The following SPATA22 variants were observed in gnomAD, a reference collection of about 807,000 sequenced individuals.
SPATA22 encodes spermatogenesis associated 22, also known as spermatogenesis-associated protein 22.
SPATA22 carries 29 observed loss-of-function variants against 47.8 expected under a neutral mutation model. The observed-to-expected ratio is 0.61, with a 90% confidence interval of 0.45 to 0.83. The LOEUF is 0.83. SPATA22 is among the 40% of genes least tolerant of loss of function. The probability of loss-of-function intolerance (pLI) is 0.00; values close to 1 mark genes in which losing one functional copy is unlikely to be tolerated. For synonymous variants in SPATA22, 133 were observed against 140.9 expected (o/e 0.94, Z 0.40); for missense variants, 410 against 421.7 (o/e 0.97, Z 0.24).
intron 1 of SPATA22, among the ~76,000 whole-genome samples, chr17:3,496,121 T>C (rs1361351107): frequency 6.6e-6 from 1 of 152,052 alleles, no homozygotes; most frequent in Admixed American, 6.6e-5. Context: ...AGGATGGTTT[T>C]GATTTGACAG....
chr17:3,458,358 C>T (rs1204965757), intron 5 of SPATA22, among the ~76,000 whole-genome samples: 1 of 151,898 alleles, frequency 6.6e-6, no homozygotes, highest in Non-Finnish European at 1.5e-5. Context: ...AAAGGCAATC[C>T]TTGTACACTC....
chr17:3,449,235 G>A (rs768372763), intron 5 of SPATA22, 86 bp from the exon 6 acceptor site: 54 of 1,004,126 alleles, frequency 5.4e-5, no homozygotes, highest in Non-Finnish European at 6.7e-5. Flanking sequence ...CATTTATATG[G>A]CAATTTATGA....
intron 5 of SPATA22, among the ~76,000 whole-genome samples, chr17:3,456,419 T>C (rs12947781): frequency 0.097 from 11,093 of 114,950 alleles, 703 homozygotes; most frequent in East Asian, 0.23. Flanking sequence ...ACTACAAACA[T>C]CTCTACACAA....
At chr17:3,502,298 T>C (rs1348230473) in intron 1 of SPATA22, 1 of 152,262 alleles carries the variant, frequency 6.6e-6, no homozygotes, top group East Asian at 1.9e-4. Context: ...AGTGTGAGCA[T>C]AACTTTTACA....
chr17:3,489,381 C>A (rs1276736513), intron 1 of SPATA22: 1 of 1,485,780 alleles, frequency 6.7e-7, no homozygotes, highest in Non-Finnish European at 9.4e-7. Flanking sequence ...AACTTAACCA[C>A]CAAACATTTA....
intron 3 of SPATA22, among the ~76,000 whole-genome samples, chr17:3,465,123 C>T (rs1252193972): frequency 4.0e-5 from 5 of 125,642 alleles, no homozygotes; most frequent in Admixed American, 7.8e-5. Context: ...GGAGCGTCTC[C>T]GCCCGGCAGC....
At chr17:3,444,585 A>T (rs183959612) in intron 7 of SPATA22, among the ~76,000 whole-genome samples, 113 of 152,178 alleles carry the variant, frequency 7.4e-4, no homozygotes, top group African/African-American at 2.6e-3. Context: ...AGCCAACGTT[A>T]TGACTGGCCA....
At chr17:3,482,468 C>G (rs574676943) in intron 1 of SPATA22, among the ~76,000 whole-genome samples, 3 of 152,190 alleles carry the variant, frequency 2.0e-5, no homozygotes, top group African/African-American at 7.2e-5. Context: ...AGCCTTCCTT[C>G]CTGAGAGCAA....
chr17:3,466,790 T>C (rs898682874), intron 3 of SPATA22, among the ~76,000 whole-genome samples: 1 of 152,184 alleles, frequency 6.6e-6, no homozygotes, highest in Non-Finnish European at 1.5e-5. Context: ...TCATACCTTT[T>C]ATAAAGTCAC....
chr17:3,494,447 T>C lies in SPATA22; in HGVS notation c.-74+18965A>G. On this transcript the variant is annotated intron_variant, in intron 1 of 8. Coordinates refer to the SPATA22 transcript ENST00000541913. ...ATGGAGAAATTGCTGCTATCATCCA[T>C]CCTAATCTGCAGGTAACATTTGTTC... is the stretch of plus-strand genomic sequence containing the variant. 6.2e-7 allele frequency: 1 copy of C among 1,603,180 alleles called. No individual in the cohort carries two copies. Among genetic ancestry groups the C allele is most frequent in the Non-Finnish European group, 8.5e-7 (1 of 1,169,914 alleles).
chr17:3,471,548 A>G (rs904727537), intron 1 of SPATA22, 134 bp downstream of exon 1: 15 of 985,276 alleles, frequency 1.5e-5, no homozygotes, highest in Admixed American at 6.1e-5. Context: ...CACAAAAACC[A>G]CGGCCTCAAA....
upstream of SPATA22, among the ~76,000 whole-genome samples, chr17:3,474,667 T>G (rs559244491): frequency 4.1e-4 from 62 of 152,362 alleles, no homozygotes; most frequent in African/African-American, 1.5e-3. Context: ...TATAAGCTCT[T>G]AAAGGAAGAA....
chr17:3,461,627 T>A (rs1204473040), intron 5 of SPATA22, among the ~76,000 whole-genome samples: 3 of 152,034 alleles, frequency 2.0e-5, no homozygotes. Context: ...AATAATAAAA[T>A]CAAAACTAAT....
chr17:3,503,876 C>T (rs2074017566), intron 1 of SPATA22, among the ~76,000 whole-genome samples: 1 of 152,104 alleles, frequency 6.6e-6, no homozygotes, highest in Non-Finnish European at 1.5e-5. Flanking sequence ...TGGGCTAAGA[C>T]ATATAAGCAC....
At chr17:3,450,900 T>C (rs2072843903) in intron 5 of SPATA22, among the ~76,000 whole-genome samples, 1 of 152,152 alleles carries the variant, frequency 6.6e-6, no homozygotes, top group Non-Finnish European at 1.5e-5. Context: ...TGTTGGAAAA[T>C]GGCACCAATC....
chr17:3,447,151 G>GA (rs914187354), intron 6 of SPATA22, among the ~76,000 whole-genome samples: 1 of 151,254 alleles, frequency 6.6e-6, no homozygotes, highest in African/African-American at 2.4e-5. Context: ...TTTTTTTTAG[G>GA]AAAAAAACAC....
chr17:3,497,254 T>C (rs1313129623), intron 1 of SPATA22, among the ~76,000 whole-genome samples: 1 of 152,116 alleles, frequency 6.6e-6, no homozygotes, highest in Non-Finnish European at 1.5e-5. Flanking sequence ...GAGGTTCCTT[T>C]AGTGATTCTG....
chr17:3,490,462 G>T lies in SPATA22; in HGVS notation c.-73-21064C>A, dbSNP rs2073805299. ...CAGACTGAGTTGAAATTGTTGTTGA[G>T]GAATGGGCAATTATAATAACAGAGG... is the stretch of plus-strand genomic sequence containing the variant. On this transcript the variant is annotated intron_variant, in intron 1 of 8. Transcript: ENST00000541913. This position sits in a 1 kb window ranked among gnomAD's most constrained non-coding sequence, Gnocchi z 4.6. Among the ~76,000 whole-genome samples the T allele has an allele frequency of 1.3e-5, 2 of 152,176 alleles. No homozygotes were observed. The highest frequency in any genetic ancestry group is 4.1e-4 in the South Asian group (2 of 4,830).
chr17:3,483,681 G>T, intron 1 of SPATA22: 1 of 1,310,384 alleles, frequency 7.6e-7, no homozygotes, highest in African/African-American at 1.5e-5. Context: ...TTTTATTTTT[G>T]AGACAGAGTC....
Sources: allele counts gnomAD v4.1 joint callset (sites outside exome capture counted in the v4.1 genomes callset), GRCh38; gene constraint gnomAD v4.1.1; non-coding constraint Gnocchi (gnomAD v3.1); transcripts MANE v1.5; gene names NCBI Gene and HGNC (gene_info 2026-07-23, HGNC 2026-07-21).